Variants in BIN3 observed in about 807,000 individuals in gnomAD.
BIN3 encodes bridging integrator 3.
A neutral mutation model predicts 38.2 loss-of-function variants in BIN3; 41 were observed. The ratio of observed to expected loss-of-function variants is 1.07; its 90% CI spans 0.84 to 1.39. BIN3 has a LOEUF of 1.39. BIN3 is among the 40% of genes most tolerant of loss of function. BIN3 has a pLI of 0.00. For missense variants in BIN3, 361 were observed against 324.3 expected (o/e 1.11, Z -0.87); for synonymous variants, 145 against 122.6 (o/e 1.18, Z -1.21).
At chr8:22,645,811 A>G (rs911316709) in intron 1 of BIN3, among the ~76,000 whole-genome samples, 1 of 152,196 alleles carries the variant, frequency 6.6e-6, no homozygotes, top group African/African-American at 2.4e-5. Flanking sequence ...GGCTGGGGAG[A>G]GTTAATAAAT....
intron 1 of BIN3, among the ~76,000 whole-genome samples, chr8:22,664,775 G>A (rs902651368): frequency 3.4e-4 from 51 of 152,200 alleles, no homozygotes; most frequent in Non-Finnish European, 6.0e-4. Flanking sequence ...CACTGCTTGC[G>A]CAGACATAAG....
chr8:22,652,000 T>TTA (rs1421426482), intron 1 of BIN3, among the ~76,000 whole-genome samples: 2 of 151,886 alleles, frequency 1.3e-5, no homozygotes, highest in Admixed American at 1.3e-4. Context: ...TTTTTTTTTT[T>TTA]TCATTTCTGC....
rs1801741798 is a variant in BIN3 at position 22,620,462 on chromosome 8, C to G, written c.*960G>C. 8.8e-6 allele frequency: 1 copy of G among 113,202 alleles called. No individual in the cohort carries two copies. The highest frequency in any genetic ancestry group is 1.1e-4 in the Admixed American group (1 of 9,448). The allele number at this position is 113,202 out of a possible 1,614,324, so 7.0% of individuals were successfully genotyped here. ...GCTTGTTTTTTAAATAAACCAAAGT[C>G]AAAAACAAACTGAGAGTGTGTCCTC... On this transcript the variant is annotated 3_prime_UTR_variant, in exon 9 of 9. Coordinates refer to ENST00000276416, the MANE Select transcript of BIN3 (RefSeq NM_018688.6).
At position 22,625,547 on chromosome 8, in the gene BIN3, C is replaced by T. The variant is rs921383300; in HGVS notation, c.339-1184G>A. ...TGTCAGGTTCCAGGAGCTCAGCTACCACACAGAGCAGGACTCCCAGATGTG... is the reference window on the plus strand; with the variant it reads ...TGTCAGGTTCCAGGAGCTCAGCTACTACACAGAGCAGGACTCCCAGATGTG... On this transcript the variant is annotated intron_variant, in intron 6 of 8. Coordinates refer to ENST00000276416, the MANE Select transcript of BIN3 (RefSeq NM_018688.6). 5 of 642,540 alleles carry T rather than the reference C, an allele frequency of 7.8e-6. No homozygotes were observed. In the African/African-American group the frequency reaches 9.0e-5, roughly 12 times the overall value. The allele number at this position is 642,540 out of a possible 1,614,324, so 39.8% of individuals were successfully genotyped here. A position where few individuals can be genotyped will look rare whatever the true frequency, so the allele number is the denominator to read the frequency against.
intron 1 of BIN3, among the ~76,000 whole-genome samples, chr8:22,662,667 G>T (rs1466165814): frequency 6.6e-6 from 1 of 152,156 alleles, no homozygotes; most frequent in Admixed American, 6.5e-5. Context: ...TAGACAGATG[G>T]TTTTCAAACT....
At position 22,636,970 on chromosome 8, in the gene BIN3, G is replaced by A. The variant is rs745687984; in HGVS notation, c.58-8C>T. 7 of 1,612,148 alleles carry A rather than the reference G, an allele frequency of 4.3e-6. No homozygotes were observed. The highest frequency in any genetic ancestry group is 1.3e-5 in the African/African-American group (1 of 74,862). ...TTCAAAGTCTCTCTCCACCTGAAAC[G>A]AGAGAGATAACTCAATTATCGGAGA... On this transcript the variant is annotated splice_region_variant and splice_polypyrimidine_tract_variant and intron_variant, in intron 2 of 8. Coordinates refer to ENST00000276416, the MANE Select transcript of BIN3 (RefSeq NM_018688.6).
intron 1 of BIN3, among the ~76,000 whole-genome samples, chr8:22,650,110 C>T (rs1015451043): frequency 2.0e-5 from 3 of 152,080 alleles, no homozygotes; most frequent in African/African-American, 7.3e-5. Flanking sequence ...TACTGCTGGT[C>T]ATTGCAACCG....
intron 6 of BIN3, among the ~76,000 whole-genome samples, chr8:22,626,763 G>A (rs1045730202): frequency 1.7e-4 from 26 of 152,174 alleles, no homozygotes; most frequent in East Asian, 1.9e-4. Flanking sequence ...TGGCTTCCAC[G>A]GTGCAGGATG....
chr8:22,655,148 A>G (rs546937443), intron 1 of BIN3, among the ~76,000 whole-genome samples: 13 of 152,212 alleles, frequency 8.5e-5, no homozygotes, highest in South Asian at 2.1e-4. Flanking sequence ...TTTTATTATT[A>G]TTGTTGTTGA....
At chr8:22,628,682 T>C (rs1377690507) in intron 6 of BIN3, among the ~76,000 whole-genome samples, 1 of 152,204 alleles carries the variant, frequency 6.6e-6, no homozygotes, top group African/African-American at 2.4e-5. Context: ...CCCAGTTCTC[T>C]GAGTCCCTGC....
chr8:22,651,203 G>A (rs935957354), intron 1 of BIN3, among the ~76,000 whole-genome samples: 2 of 152,088 alleles, frequency 1.3e-5, no homozygotes, highest in Non-Finnish European at 2.9e-5. Flanking sequence ...CCTAAAATTG[G>A]TAATTGTCAC....
intron 4 of BIN3, among the ~76,000 whole-genome samples, chr8:22,631,520 G>A (rs1802202688): frequency 6.6e-6 from 1 of 152,194 alleles, no homozygotes; most frequent in Non-Finnish European, 1.5e-5. Flanking sequence ...TTTTAGCGAG[G>A]AGGCAGATTA....
intron 4 of BIN3, among the ~76,000 whole-genome samples, chr8:22,631,623 C>G (rs371277147): frequency 1.3e-5 from 2 of 152,372 alleles, no homozygotes; most frequent in African/African-American, 4.8e-5. Context: ...CTTCCCTGTT[C>G]ACTGCTCTCC....
chr8:22,668,033 C>G (rs1803482405), intron 1 of BIN3, among the ~76,000 whole-genome samples: 1 of 152,144 alleles, frequency 6.6e-6, no homozygotes, highest in Non-Finnish European at 1.5e-5. Context: ...AAATATGTTC[C>G]CTATGTCCAT....
chr8:22,644,846 G>T, intron 1 of BIN3, 43 bp from the exon 2 acceptor site: 2 of 1,555,422 alleles, frequency 1.3e-6, no homozygotes, highest in South Asian at 2.3e-5. Context: ...GAGAAGTGGG[G>T]AAGGATGCAG....
intron 1 of BIN3, among the ~76,000 whole-genome samples, chr8:22,654,513 AC>A (rs142508736): frequency 0.019 from 2,885 of 152,312 alleles, 87 homozygotes; most frequent in African/African-American, 0.065. Flanking sequence ...AGCCCTGGCA[AC>A]CATTACTTTG....
Position 22,620,470 on chromosome 8 carries a change from AACTG to A in BIN3, c.*948_*951del, listed in dbSNP as rs1222086021. On this transcript the variant is annotated 3_prime_UTR_variant, in exon 9 of 9. Coordinates refer to ENST00000276416, the MANE Select transcript of BIN3 (RefSeq NM_018688.6). ...TTTAAATAAACCAAAGTCAAAAACA[AACTG>A]AGAGTGTGTCCTCCACAGCTCTTCC... The A allele has an allele frequency of 1.3e-5, 2 of 151,252 alleles. No individual in the cohort carries two copies. The highest frequency in any genetic ancestry group is 2.4e-5 in the African/African-American group (1 of 40,904). 9.4% of individuals were successfully genotyped at this position (151,252 alleles called of 1,614,324 possible).
chr8:22,662,251 A>G (rs1269522141), intron 1 of BIN3, among the ~76,000 whole-genome samples: 1 of 152,172 alleles, frequency 6.6e-6, no homozygotes, highest in African/African-American at 2.4e-5. Context: ...CCACTGTTCC[A>G]ACTCCAAAAT....
intron 1 of BIN3, among the ~76,000 whole-genome samples, chr8:22,658,265 C>T (rs1261274906): frequency 2.6e-5 from 4 of 151,870 alleles, no homozygotes; most frequent in South Asian, 4.2e-4. Context: ...ACTGCCCCAC[C>T]GCAAAAAAGA....
Sources: allele counts gnomAD v4.1 joint callset (sites outside exome capture counted in the v4.1 genomes callset), GRCh38; gene constraint gnomAD v4.1.1; transcripts MANE v1.5; gene names NCBI Gene and HGNC (gene_info 2026-07-23, HGNC 2026-07-21).